SLC18A1: variants seen among roughly 807,000 people sequenced by gnomAD.
The protein encoded by SLC18A1 is chromaffin granule amine transporter.
A neutral mutation model predicts 53.7 loss-of-function variants in SLC18A1; 69 were observed. The ratio of observed to expected loss-of-function variants is 1.28; its 90% confidence interval spans 1.06 to 1.57. The LOEUF (loss-of-function observed/expected upper bound fraction) is 1.57. Ranked by LOEUF, SLC18A1 falls within the 40% of genes most tolerant of loss-of-function variation. The pLI, the probability that SLC18A1 is intolerant of heterozygous loss-of-function variation, is 0.00. For missense variants in SLC18A1, 932 were observed against 668.1 expected (o/e 1.40, Z -4.35); for synonymous variants, 320 against 248.1 (o/e 1.29, Z -2.72).
intron 10 of SLC18A1, among the ~76,000 whole-genome samples, chr8:20,154,182 T>G (rs541074372): frequency 4.2e-4 from 64 of 152,320 alleles, no homozygotes; most frequent in Middle Eastern, 6.8e-3. Flanking sequence ...AGATATTCCT[T>G]TATAGCCATG....
chr8:20,166,321 A>ATATATATATATATG (rs2071961923), intron 8 of SLC18A1, among the ~76,000 whole-genome samples: 1 of 97,122 alleles, frequency 1.0e-5, no homozygotes, highest in Non-Finnish European at 2.0e-5. Context: ...ATATATATAT[A>ATATATATATATATG]TATATATATA....
chr8:20,160,725 T>C (rs1027606282), intron 10 of SLC18A1, among the ~76,000 whole-genome samples: 2 of 152,264 alleles, frequency 1.3e-5, no homozygotes, highest in Non-Finnish European at 2.9e-5. Context: ...TACCACAGAT[T>C]GGGTAATTCT....
chr8:20,178,041 T>A (rs1010999742), intron 4 of SLC18A1, among the ~76,000 whole-genome samples: 21 of 152,034 alleles, frequency 1.4e-4, no homozygotes, highest in Admixed American at 1.2e-3. Flanking sequence ...CCCTTTTCCA[T>A]GGCATAACAA....
chr8:20,181,406 G>A (rs766926976), intron 1 of SLC18A1, among the ~76,000 whole-genome samples: 1 of 152,068 alleles, frequency 6.6e-6, no homozygotes, highest in African/African-American at 2.4e-5. Context: ...AGGACTACCT[G>A]TACTATCATT....
At position 20,145,870 on chromosome 8, in the gene SLC18A1, G is replaced by T; in HGVS notation, c.1471C>A (p.Leu491Met). 2 of 1,596,130 alleles carry T rather than the reference G, an allele frequency of 1.3e-6. No individual in the cohort carries two copies. The highest frequency in any genetic ancestry group is 1.7e-6 in the Non-Finnish European group (2 of 1,169,886). ...GTCTCCATGGGGCAGTCCTGACTCA[G>T]AATAGCCTGCAGAGAGAGGCAAGAA... ...PPAKEEKLAI[L>M]SQDCPMETRM... The change falls in exon 16 of 16, where the codon CTG (leucine) becomes ATG (methionine). Residue 491 changes from leucine to methionine, a missense_variant. Leu to Met is a conservative substitution (Grantham distance 15). Transcript: ENST00000276373.
At chr8:20,172,310 G>A (rs2128877807) in intron 6 of SLC18A1, among the ~76,000 whole-genome samples, 1 of 152,318 alleles carries the variant, frequency 6.6e-6, no homozygotes, top group East Asian at 1.9e-4. Flanking sequence ...CAAATAACAG[G>A]GATTCTGTTT....
At chr8:20,182,172 T>C (rs2072445954) in intron 1 of SLC18A1, among the ~76,000 whole-genome samples, 1 of 152,156 alleles carries the variant, frequency 6.6e-6, no homozygotes, top group Admixed American at 6.5e-5. Flanking sequence ...GCCCTAAAAA[T>C]TGTATACTCT....
At chr8:20,147,455 A>G (rs975476223) in intron 14 of SLC18A1, 64 bp from the exon 15 acceptor site, 8 of 1,580,010 alleles carry the variant, frequency 5.1e-6, no homozygotes, top group Non-Finnish European at 6.9e-6. Flanking sequence ...TCCTCCACGT[A>G]GGACACTATG....
At position 20,154,508 on chromosome 8, in the gene SLC18A1, A is replaced by C. The variant is rs185031851; in HGVS notation, c.1016-3764T>G. ...AGCTGAGATCTTTGAAGGAGAATAGAGAAGAAATGACTCGGAAGCAACAAA... is the reference window on the plus strand; with the variant it reads ...AGCTGAGATCTTTGAAGGAGAATAGCGAAGAAATGACTCGGAAGCAACAAA... On this transcript the variant is annotated intron_variant, in intron 10 of 15. Coordinates refer to ENST00000276373, the MANE Select transcript of SLC18A1 (RefSeq NM_003053.4). Among the ~76,000 whole-genome samples, 1,033 of 152,336 alleles carry C rather than the reference A, an allele frequency of 6.8e-3. 17 individuals are homozygous for C. Among genetic ancestry groups the C allele is most frequent in the African/African-American group, 0.023 (956 of 41,586 alleles).
intron 5 of SLC18A1, 35 bp from the exon 6 acceptor site, chr8:20,173,163 G>A: frequency 2.0e-6 from 3 of 1,493,640 alleles, no homozygotes; most frequent in Non-Finnish European, 2.7e-6. Context: ...CTGGCCCCCT[G>A]GGGGGCTTCT....
At chr8:20,161,419 T>C (rs1402558274) in intron 10 of SLC18A1, among the ~76,000 whole-genome samples, 3 of 152,158 alleles carry the variant, frequency 2.0e-5, no homozygotes, top group Non-Finnish European at 1.5e-5. Context: ...GTATAACAAC[T>C]ATTTATATAG....
intron 10 of SLC18A1, 75 bp downstream of exon 10, chr8:20,164,794 T>C: frequency 9.1e-7 from 1 of 1,104,348 alleles, no homozygotes; most frequent in Non-Finnish European, 1.3e-6. Context: ...TGTCCCTGTG[T>C]GACATTGAAC....
intron 8 of SLC18A1, among the ~76,000 whole-genome samples, chr8:20,167,248 A>G (rs900962379): frequency 6.6e-6 from 1 of 152,196 alleles, no homozygotes. Flanking sequence ...TTCTAGATAC[A>G]GTATTTGGCT....
At position 20,179,959 on chromosome 8, in the gene SLC18A1, C is replaced by A. The variant is rs115363917; in HGVS notation, c.125-475G>T. ...GGCAGGGTGGTCAGAGGAGCCTCAG[C>A]TCTGGGACCCCTGGACAGGGTTTGA... On this transcript the variant is annotated intron_variant, in intron 2 of 15. Transcript: ENST00000276373. Among the ~76,000 whole-genome samples the A allele has an allele frequency of 8.9e-3, 1,351 of 152,316 alleles. 22 individuals carry two copies. The highest frequency in any genetic ancestry group is 0.031 in the African/African-American group (1,302 of 41,548).
intron 8 of SLC18A1, 39 bp from the exon 9 acceptor site, chr8:20,165,146 T>C: frequency 6.6e-7 from 1 of 1,513,128 alleles, no homozygotes; most frequent in South Asian, 1.1e-5. Flanking sequence ...ATTTGTACAG[T>C]GCATACATCT....
rs59146471 is a variant in SLC18A1, at chr8:20,173,899, T to C, written c.631+462A>G. On this transcript the variant is annotated intron_variant, in intron 5 of 15. Coordinates refer to ENST00000276373, the MANE Select transcript of SLC18A1 (RefSeq NM_003053.4). ...TAGAAACTCTGTAATTCCTTTCTTT[T>C]TTTTTTTTTTTTTTTGAGTTAGGGT... Among the ~76,000 whole-genome samples the C allele has an allele frequency of 7.2e-3, 680 of 93,906 alleles. 6 individuals carry two copies. The highest frequency in any genetic ancestry group is 0.028 in the South Asian group (84 of 2,980). The allele number at this position is 93,906 out of a possible 152,430, so 61.6% of individuals were successfully genotyped here. A position where few individuals can be genotyped will look rare whatever the true frequency, so the allele number is the denominator to read the frequency against.
At chr8:20,171,608 C>T (rs547786242) in intron 6 of SLC18A1, 114 bp from the exon 7 acceptor site, 12 of 766,158 alleles carry the variant, frequency 1.6e-5, no homozygotes, top group African/African-American at 1.2e-4. Flanking sequence ...GGCTAAGCTC[C>T]ACCTGAGGCT....
intron 10 of SLC18A1, among the ~76,000 whole-genome samples, chr8:20,163,940 T>G (rs957168431): frequency 6.6e-6 from 1 of 152,144 alleles, no homozygotes; most frequent in Non-Finnish European, 1.5e-5. Context: ...GGTCAGAGCC[T>G]TAGGGCAGGC....
At chr8:20,153,184 T>A (rs1169587112) in intron 10 of SLC18A1, among the ~76,000 whole-genome samples, 1 of 152,042 alleles carries the variant, frequency 6.6e-6, no homozygotes, top group Non-Finnish European at 1.5e-5. Context: ...TTTGTGGCCA[T>A]AAATATAAGG....
Sources: allele counts gnomAD v4.1 joint callset (sites outside exome capture counted in the v4.1 genomes callset), GRCh38; gene constraint gnomAD v4.1.1; transcripts MANE v1.5; gene names NCBI Gene and HGNC (gene_info 2026-07-23, HGNC 2026-07-21).